DENND1A: variants seen among roughly 807,000 people sequenced by gnomAD.
DENND1A encodes DENN domain-containing protein 1A.
DENND1A carries 51 observed loss-of-function variants against 113.7 expected under a neutral mutation model. That is an observed-to-expected ratio of 0.45 (90% CI 0.36 to 0.57). The LOEUF (loss-of-function observed/expected upper bound fraction) is 0.57, where lower values mean the gene tolerates loss of function less well. DENND1A is among the 20% of genes least tolerant of loss of function. The pLI, the probability that DENND1A is intolerant of heterozygous loss-of-function variation, is 0.00. For synonymous variants in DENND1A, 565 were observed against 570.8 expected (o/e 0.99, Z 0.14); for missense variants, 1,258 against 1,395.9 (o/e 0.90, Z 1.57).
intron 3 of DENND1A, among the ~76,000 whole-genome samples, chr9:123,786,305 A>T (rs955608259): frequency 3.9e-5 from 6 of 152,154 alleles, no homozygotes; most frequent in African/African-American, 9.6e-5. Flanking sequence ...TTGCTTCTCT[A>T]TACCACTTAA....
intron 5 of DENND1A, among the ~76,000 whole-genome samples, chr9:123,698,882 T>G (rs1324509083): frequency 1.3e-5 from 2 of 152,222 alleles, no homozygotes; most frequent in African/African-American, 4.8e-5. Context: ...AGAGAAGAAG[T>G]TCAGATGTCT....
chr9:123,760,450 A>T (rs542838081), intron 4 of DENND1A, among the ~76,000 whole-genome samples: 1 of 152,366 alleles, frequency 6.6e-6, no homozygotes, highest in East Asian at 1.9e-4. Flanking sequence ...TAATTCAGAA[A>T]GAAAAAGTGT....
chr9:123,404,116 G>A (rs2043739957), intron 20 of DENND1A, among the ~76,000 whole-genome samples: 1 of 152,148 alleles, frequency 6.6e-6, no homozygotes, highest in African/African-American at 2.4e-5. Context: ...AGCAGACCTA[G>A]TGGGAGGGTC....
intron 4 of DENND1A, 142 bp downstream of exon 4, chr9:123,769,372 A>G: frequency 1.5e-6 from 1 of 674,544 alleles, no homozygotes; most frequent in South Asian, 2.7e-5. Flanking sequence ...CCAGGAAGGG[A>G]GAATATTGCA....
chr9:123,925,739 T>C (rs974758202), intron 1 of DENND1A, among the ~76,000 whole-genome samples: 1 of 152,228 alleles, frequency 6.6e-6, no homozygotes, highest in Non-Finnish European at 1.5e-5. Flanking sequence ...TCTTGGTCAC[T>C]AACCTCACAG....
chr9:123,535,914 T>C (rs146585161), intron 13 of DENND1A, among the ~76,000 whole-genome samples: 1 of 152,324 alleles, frequency 6.6e-6, no homozygotes, highest in East Asian at 1.9e-4. Flanking sequence ...TTACCTTTCC[T>C]AGGATTTCTA....
chr9:123,854,513 T>G (rs560720598), intron 2 of DENND1A, among the ~76,000 whole-genome samples: 283 of 151,990 alleles, frequency 1.9e-3, no homozygotes, highest in Non-Finnish European at 3.1e-3. Context: ...CTGGCCAACA[T>G]AGTAAAACCT....
chr9:123,381,713 C>T lies in DENND1A; in HGVS notation c.2932G>A (p.Ala978Thr), dbSNP rs1369042880. ...GGCAACGTTCGGATCCTCGACGGGG[C>T]AACTGCTGGGGGACCCAGCGGCTGT... ...PLQPLGPPAV[A>T]PSRIRTLPLA... The change falls in exon 24 of 24, where the codon GCC becomes ACC. Residue 978 changes from alanine (A) to threonine (T), a missense_variant. By Grantham distance (58) the Ala-to-Thr change is moderately conservative. This residue lies in a region of DENND1A where 1,159 missense variants were observed against 1,231.7 expected (regional missense o/e 0.94). Coordinates refer to ENST00000394215, the MANE Select transcript of DENND1A (RefSeq NM_001352964.2). This position sits in a 1 kb window ranked among gnomAD's most constrained non-coding sequence, Gnocchi z 4.7. The T allele has an allele frequency of 1.3e-6, 2 of 1,541,168 alleles. No individual in the cohort carries two copies. The highest frequency in any genetic ancestry group is 1.7e-6 in the Non-Finnish European group (2 of 1,142,930).
chr9:123,881,285 C>T (rs116844212), intron 1 of DENND1A, among the ~76,000 whole-genome samples: 1 of 152,076 alleles, frequency 6.6e-6, no homozygotes, highest in South Asian at 2.1e-4. Context: ...GCATATGGGA[C>T]CAAATATTTG....
chr9:123,723,334 G>A (rs2067473200), intron 5 of DENND1A, among the ~76,000 whole-genome samples: 1 of 152,226 alleles, frequency 6.6e-6, no homozygotes, highest in South Asian at 2.1e-4. Flanking sequence ...TGTCTCACAT[G>A]AGACTTTGGA....
rs150633816 is a variant in DENND1A, at chr9:123,448,570, T to C, written c.1356+2123A>G. Among the ~76,000 whole-genome samples, 764 of 152,312 alleles carry C rather than the reference T, an allele frequency of 5.0e-3. 1 individual carries two copies. The highest frequency in any genetic ancestry group is 8.9e-3 in the Non-Finnish European group (606 of 68,024). Reference sequence around the variant, plus strand: ...CTGCCACTCCATTTTATATCTGCAATCCATTTCAGCTACATGCAACTGGGA... The same window carrying C: ...CTGCCACTCCATTTTATATCTGCAACCCATTTCAGCTACATGCAACTGGGA... On this transcript the variant is annotated intron_variant, in intron 18 of 23. Transcript: ENST00000394215.
chr9:123,442,644 G>A (rs2047011667), intron 18 of DENND1A, among the ~76,000 whole-genome samples: 1 of 151,918 alleles, frequency 6.6e-6, no homozygotes, highest in Non-Finnish European at 1.5e-5. Context: ...AGAAAATCTG[G>A]GTATTAATAG....
chr9:123,506,920 T>C (rs1331922017), intron 13 of DENND1A, among the ~76,000 whole-genome samples: 1 of 152,170 alleles, frequency 6.6e-6, no homozygotes, highest in African/African-American at 2.4e-5. Context: ...CACAGTGGCT[T>C]AACGCCTATA....
intron 15 of DENND1A, among the ~76,000 whole-genome samples, chr9:123,456,660 A>G (rs1024898358): frequency 1.3e-5 from 2 of 152,180 alleles, no homozygotes; most frequent in African/African-American, 4.8e-5. Flanking sequence ...AAATACAAAA[A>G]TTAGCTGGGC....
At chr9:123,491,781 C>T (rs1339503828) in intron 13 of DENND1A, 1 of 152,286 alleles carries the variant, frequency 6.6e-6, no homozygotes, top group African/African-American at 2.4e-5. Flanking sequence ...TCATCTCTAC[C>T]TGAATGTGCT....
chr9:123,896,244 C>G (rs1850738774), intron 1 of DENND1A, among the ~76,000 whole-genome samples: 1 of 151,850 alleles, frequency 6.6e-6, no homozygotes, highest in Non-Finnish European at 1.5e-5. Context: ...CCCAGGAGTT[C>G]AAGGCTGCAG....
intron 12 of DENND1A, among the ~76,000 whole-genome samples, chr9:123,567,925 G>A (rs2058142601): frequency 6.6e-6 from 1 of 152,194 alleles, no homozygotes; most frequent in South Asian, 2.1e-4. Context: ...GAAAACAGTA[G>A]GTTGCTTGGG....
chr9:123,624,523 T>C (rs2061110286), intron 10 of DENND1A, among the ~76,000 whole-genome samples: 1 of 152,156 alleles, frequency 6.6e-6, no homozygotes. Flanking sequence ...CCTGTAATCA[T>C]CCTTTGGTCA....
Position 123,414,887 on chromosome 9 carries a change from G to T in DENND1A, c.1489-3058C>A, listed in dbSNP as rs12553709. Among the ~76,000 whole-genome samples the T allele has an allele frequency of 7.0e-3, 1,066 of 152,284 alleles. 32 individuals are homozygous for T. The highest frequency in any genetic ancestry group is 0.038 in the East Asian group (195 of 5,184). ...CACTCACTTCTCTGTTTACCATAGG[G>T]TCTAGTAGAGTACTTGATACCTAAT... is the stretch of plus-strand genomic sequence containing the variant. On this transcript the variant is annotated intron_variant, in intron 19 of 23. Transcript: ENST00000394215.
Sources: gnomAD v4.1 joint callset for allele counts (sites outside exome capture counted in the v4.1 genomes callset) on GRCh38, gnomAD v4.1.1 for gene constraint, gnomAD v4.1.1 regional missense constraint, Gnocchi (gnomAD v3.1) non-coding constraint, MANE v1.5 for transcripts, NCBI Gene and HGNC (gene_info 2026-07-23, HGNC 2026-07-21) for gene names.